The following GFI1B variants were observed in gnomAD, a reference collection of about 807,000 sequenced individuals.
GFI1B encodes zinc finger protein Gfi-1b.
GFI1B carries 20 observed loss-of-function variants against 35.3 expected under a neutral mutation model. The ratio of observed to expected loss-of-function variants is 0.57; its 90% CI spans 0.40 to 0.82. The LOEUF is 0.82. GFI1B is among the 40% of genes least tolerant of loss of function. GFI1B has a pLI of 0.00. For missense variants in GFI1B, 430 were observed against 446.3 expected, an observed-to-expected ratio of 0.96 and a Z score of 0.33; for synonymous variants, 178 against 177.6, an observed-to-expected ratio of 1.00 and a Z score of -0.02.
intron 6 of GFI1B, among the ~76,000 whole-genome samples, chr9:132,990,513 A>T (rs940843740): frequency 2.6e-5 from 4 of 152,230 alleles, no homozygotes; most frequent in African/African-American, 7.2e-5. Flanking sequence ...TTGTTCACTC[A>T]TTCATTTGCT....
chr9:132,985,597 C>A (rs1054717334), intron 1 of GFI1B, among the ~76,000 whole-genome samples: 1 of 152,148 alleles, frequency 6.6e-6, no homozygotes, highest in African/African-American at 2.4e-5. Context: ...CGTGCTCTGG[C>A]GGCTGTGGCT....
Position 132,962,541 on chromosome 9 carries a change from T to C in GFI1B, c.-700-10184T>C, listed in dbSNP as rs562282880. 1.0e-4 allele frequency: 51 copies of C among 509,724 alleles called. 1 individual carries two copies. The East Asian group carries it at 2.9e-3, about 29-fold the overall frequency. 31.6% of individuals were successfully genotyped at this position (509,724 alleles called of 1,614,324 possible). ...TTCTCACAAGACTTTGAGGATTAAGTGATTCCTGGCCAAGAAACAAAAGCA... is the reference window on the plus strand; with the variant it reads ...TTCTCACAAGACTTTGAGGATTAAGCGATTCCTGGCCAAGAAACAAAAGCA... On this transcript the variant is annotated intron_variant, in intron 1 of 10. Coordinates refer to the GFI1B transcript ENST00000339463.
intron 1 of GFI1B, among the ~76,000 whole-genome samples, chr9:132,963,357 G>A (rs1417979839): frequency 6.6e-6 from 1 of 152,086 alleles, no homozygotes; most frequent in Non-Finnish European, 1.5e-5. Flanking sequence ...GCACGCACTT[G>A]TAGTCCCAGC....
At chr9:132,990,110 C>T (rs1180094404) in intron 6 of GFI1B, among the ~76,000 whole-genome samples, 1 of 152,262 alleles carries the variant, frequency 6.6e-6, no homozygotes, top group Non-Finnish European at 1.5e-5. Flanking sequence ...ACAGCAAAAT[C>T]TCAACACTGT....
At chr9:132,962,069 C>CAT (rs1405809191) in intron 1 of GFI1B, among the ~76,000 whole-genome samples, 1 of 144,782 alleles carries the variant, frequency 6.9e-6, no homozygotes, top group South Asian at 2.2e-4. Context: ...CTACACTCTA[C>CAT]ACACACACAC....
At chr9:132,990,579 G>C (rs1478539144) in intron 6 of GFI1B, among the ~76,000 whole-genome samples, 1 of 152,178 alleles carries the variant, frequency 6.6e-6, no homozygotes, top group Non-Finnish European at 1.5e-5. Context: ...CTTGCTATTA[G>C]CTGAGTGCCT....
rs138653823 is a variant in GFI1B at position 132,989,078 on chromosome 9, C to G, written c.528C>G (p.His176Gln). 1.7e-5 allele frequency: 27 copies of G among 1,613,940 alleles called. No individual in the cohort carries two copies. Among genetic ancestry groups the G allele is most frequent in the Non-Finnish European group, 2.1e-5 (25 of 1,179,918 alleles). ...VKCNKVFSTP[H>Q]GLEVHVRRSH... ...GCTCCCAGGTCTTCTCCACCCCTCA[C>G]GGGCTCGAAGTGCATGTGCGACGCT... The change falls in exon 5 of 7, where the codon CAC (histidine) becomes CAG (glutamine). Residue 176 changes from histidine (H) to glutamine (Q), a missense_variant. Transcript: ENST00000372122. The surrounding 1 kb of genome is among the most constrained non-coding windows in gnomAD (Gnocchi z 6.2).
chr9:132,992,710 G>T (rs993006163), downstream of GFI1B, among the ~76,000 whole-genome samples: 1 of 152,106 alleles, frequency 6.6e-6, no homozygotes, highest in Non-Finnish European at 1.5e-5. Flanking sequence ...CTGATACCGA[G>T]CAACTCAGTC....
chr9:132,991,051 G>T lies in GFI1B; in HGVS notation c.*1G>T. On this transcript the variant is annotated 3_prime_UTR_variant, in exon 7 of 7. Coordinates refer to ENST00000372122, the MANE Select transcript of GFI1B (RefSeq NM_001377304.1). ...CGAGAGCCAGCACAATCTCAAGTGA[G>T]GCTGCGCCGGCTCCCAGCTCCTGGC... 6.2e-7 allele frequency: 1 copy of T among 1,612,656 alleles called. No homozygotes were observed. The highest frequency in any genetic ancestry group is 1.1e-5 in the South Asian group (1 of 91,080).
Position 132,989,092 on chromosome 9 carries a change from A to T in GFI1B, c.542A>T (p.His181Leu), listed in dbSNP as rs973515605. ...VFSTPHGLEVHVRRSHSGTRP... is the reference protein window; with the variant it reads ...VFSTPHGLEVLVRRSHSGTRP... ...TCCACCCCTCACGGGCTCGAAGTGC[A>T]TGTGCGACGCTCCCATAGTGGGACC... The change falls in exon 5 of 7, where the codon CAT (histidine) becomes CTT (leucine). Residue 181 changes from histidine to leucine, a missense_variant. Transcript: ENST00000372122. This position sits in a 1 kb window ranked among gnomAD's most constrained non-coding sequence, Gnocchi z 6.2. 4.3e-6 allele frequency: 7 copies of T among 1,613,978 alleles called. No individual in the cohort carries two copies. The South Asian group carries it at 4.4e-5, about 10-fold the overall frequency.
At chr9:132,987,477 A>G in intron 3 of GFI1B, 58 bp downstream of exon 3, 1 of 1,602,916 alleles carries the variant, frequency 6.2e-7, no homozygotes, top group Non-Finnish European at 8.5e-7. Flanking sequence ...GGAAGGATGA[A>G]GGGACTCTTG....
upstream of GFI1B, among the ~76,000 whole-genome samples, chr9:132,977,845 G>A (rs911719142): frequency 3.3e-5 from 5 of 152,178 alleles, no homozygotes; most frequent in African/African-American, 4.8e-5. Context: ...AGCACACACG[G>A]GCTCTGGCAC....
chr9:132,952,868 T>G (rs1848222691), intron 1 of GFI1B: 1 of 152,242 alleles, frequency 6.6e-6, no homozygotes, highest in Non-Finnish European at 1.5e-5. Context: ...TAGTCAGAAA[T>G]ATCCTTATTT....
At chr9:132,962,408 G>A (rs79444458) in intron 1 of GFI1B, 66 of 311,928 alleles carry the variant, frequency 2.1e-4, no homozygotes, top group African/African-American at 1.4e-3. Context: ...CAGAGTGCGG[G>A]ATTACAAGTG....
rs1266300073 is a variant in GFI1B, at chr9:132,989,056, C to T, written c.511-5C>T. 8 of 1,613,812 alleles carry T rather than the reference C, an allele frequency of 5.0e-6. No homozygotes were observed. The highest frequency in any genetic ancestry group is 6.8e-6 in the Non-Finnish European group (8 of 1,179,846). On this transcript the variant is annotated splice_region_variant and splice_polypyrimidine_tract_variant and intron_variant, in intron 4 of 6. Coordinates refer to ENST00000372122, the MANE Select transcript of GFI1B (RefSeq NM_001377304.1). The surrounding 1 kb of genome is among the most constrained non-coding windows in gnomAD (Gnocchi z 6.2). ...AGTGGCCTCACATGCTGCCCCTGCT[C>T]CCAGGTCTTCTCCACCCCTCACGGG...
Position 132,962,362 on chromosome 9 carries a change from C to T in GFI1B, c.-700-10363C>T, listed in dbSNP as rs537682724. 5.6e-5 allele frequency: 12 copies of T among 212,624 alleles called. No homozygotes were observed. The East Asian group carries it at 1.9e-3, about 34-fold the overall frequency. The allele number at this position is 212,624 out of a possible 1,614,324, so 13.2% of individuals were successfully genotyped here. A position where few individuals can be genotyped will look rare whatever the true frequency, so the allele number is the denominator to read the frequency against. ...CCATGTTAGCCAGGCTGGTCTCAAA[C>T]TCCTGACCTCAGGTGATCCGCTCAC... On this transcript the variant is annotated intron_variant, in intron 1 of 10. Coordinates refer to the GFI1B transcript ENST00000339463.
chr9:132,966,969 T>C (rs952305562), intron 1 of GFI1B, among the ~76,000 whole-genome samples: 1 of 152,204 alleles, frequency 6.6e-6, no homozygotes, highest in Non-Finnish European at 1.5e-5. Flanking sequence ...TGCTAGGGTT[T>C]AGATGTCCTC....
At chr9:132,958,023 G>A (rs1848307881) in intron 1 of GFI1B, among the ~76,000 whole-genome samples, 1 of 152,170 alleles carries the variant, frequency 6.6e-6, no homozygotes. Flanking sequence ...CAACGTCTGA[G>A]TCATAACCAC....
Position 132,955,807 on chromosome 9 carries a change from C to CGTGT in GFI1B, c.-701+10138_-701+10139insGTGT, listed in dbSNP as rs1491095156. ...CCAACGTGATGTGTGTGTGTGTGTG[C>CGTGT]ATGTGTGTGTGTGTGTGTGTGTGTG... On this transcript the variant is annotated intron_variant, in intron 1 of 10. Transcript: ENST00000339463. Among the ~76,000 whole-genome samples, 23 of 84,940 alleles carry CGTGT rather than the reference C, an allele frequency of 2.7e-4. No individual in the cohort carries two copies. The South Asian group carries it at 4.7e-3, about 17-fold the overall frequency. 55.7% of individuals were successfully genotyped at this position (84,940 alleles called of 152,430 possible). A position where few individuals can be genotyped will look rare whatever the true frequency, so the allele number is the denominator to read the frequency against.
Sources: allele counts gnomAD v4.1 joint callset (sites outside exome capture counted in the v4.1 genomes callset), GRCh38; gene constraint gnomAD v4.1.1; non-coding constraint Gnocchi (gnomAD v3.1); transcripts MANE v1.5; gene names NCBI Gene and HGNC (gene_info 2026-07-23, HGNC 2026-07-21).